SPIDR: variants seen among roughly 807,000 people sequenced by gnomAD.
The protein encoded by SPIDR is scaffold protein involved in DNA repair, also known as DNA repair-scaffolding protein.
A neutral mutation model predicts 104.6 loss-of-function variants in SPIDR; 93 were observed. The observed-to-expected ratio is 0.89, with a 90% CI of 0.75 to 1.06. The LOEUF (loss-of-function observed/expected upper bound fraction) is 1.06, where lower values mean the gene tolerates loss of function less well. Ranked by LOEUF, SPIDR falls within the 50% of genes least tolerant of loss-of-function variation. The probability of loss-of-function intolerance (pLI) is 0.00; values close to 1 mark genes in which losing one functional copy is unlikely to be tolerated. For missense variants in SPIDR, 1,154 were observed against 1,111.2 expected (o/e 1.04, Z -0.55); for synonymous variants, 431 against 416.9 (o/e 1.03, Z -0.41).
At chr8:47,415,748 GT>G (rs1362277708) in intron 7 of SPIDR, among the ~76,000 whole-genome samples, 1 of 152,138 alleles carries the variant, frequency 6.6e-6, no homozygotes, top group Non-Finnish European at 1.5e-5. Flanking sequence ...ACAAATTTCT[GT>G]TGCTTCGAAG....
chr8:47,461,073 G>A (rs2073853773), intron 8 of SPIDR, among the ~76,000 whole-genome samples: 1 of 152,112 alleles, frequency 6.6e-6, no homozygotes, highest in South Asian at 2.1e-4. Flanking sequence ...TGGTGCTTTT[G>A]CCTCACAGCT....
chr8:47,619,938 G>A (rs2064893389), intron 10 of SPIDR, among the ~76,000 whole-genome samples: 1 of 152,184 alleles, frequency 6.6e-6, no homozygotes, highest in African/African-American at 2.4e-5. Context: ...AAGGAGGAAA[G>A]GAAGGAAGAG....
intron 7 of SPIDR, among the ~76,000 whole-genome samples, chr8:47,422,507 C>CA (rs2065698243): frequency 6.6e-6 from 1 of 152,254 alleles, no homozygotes; most frequent in Admixed American, 6.5e-5. Context: ...TGCCATCTGT[C>CA]ACCCCTTTCC....
chr8:47,674,181 A>G (rs2076139571), intron 11 of SPIDR, among the ~76,000 whole-genome samples: 1 of 152,228 alleles, frequency 6.6e-6, no homozygotes, highest in Admixed American at 6.5e-5. Context: ...AAAGAAGATT[A>G]AAATGTTATG....
intron 5 of SPIDR, among the ~76,000 whole-genome samples, chr8:47,333,867 T>G (rs1460567796): frequency 6.6e-6 from 1 of 152,222 alleles, no homozygotes; most frequent in Non-Finnish European, 1.5e-5. Context: ...ATATGAGGTG[T>G]GTTCATTGAC....
At chr8:47,496,340 G>T (rs2079434437) in intron 8 of SPIDR, among the ~76,000 whole-genome samples, 1 of 152,118 alleles carries the variant, frequency 6.6e-6, no homozygotes, top group African/African-American at 2.4e-5. Flanking sequence ...GGCTTTTGTG[G>T]ATGCTGTTTG....
intron 5 of SPIDR, among the ~76,000 whole-genome samples, chr8:47,308,848 G>C (rs1431104979): frequency 6.6e-6 from 1 of 152,250 alleles, no homozygotes; most frequent in Non-Finnish European, 1.5e-5. Flanking sequence ...ATGCACAACT[G>C]CCTGCCTTGG....
chr8:47,358,125 GCAGTGGCTGTTCA>G (rs1451246389), intron 5 of SPIDR, among the ~76,000 whole-genome samples: 2 of 152,222 alleles, frequency 1.3e-5, no homozygotes, highest in African/African-American at 4.8e-5. Flanking sequence ...ACAGTGGAGT[GCAGTGGCTGTTCA>G]CAGGTGTGAT....
At chr8:47,271,980 T>C (rs1312146136) in intron 1 of SPIDR, among the ~76,000 whole-genome samples, 10 of 151,974 alleles carry the variant, frequency 6.6e-5, no homozygotes, top group Admixed American at 2.0e-4. Context: ...TTTGTATTTT[T>C]TTTTCTTTTT....
At chr8:47,426,700 G>A (rs1301783039) in intron 7 of SPIDR, among the ~76,000 whole-genome samples, 4 of 152,218 alleles carry the variant, frequency 2.6e-5, no homozygotes, top group Non-Finnish European at 4.4e-5. Context: ...AGGCTGGGAA[G>A]CCTAATATCC....
Position 47,471,516 on chromosome 8 carries a change from G to C in SPIDR, c.1097+30974G>C, listed in dbSNP as rs566995265. 3.9e-5 allele frequency among the ~76,000 whole-genome samples: 6 copies of C among 152,228 alleles called. No individual in the cohort carries two copies. In the South Asian group the frequency reaches 8.3e-4, roughly 21 times the overall value. Reference sequence around the variant, plus strand: ...TCAAAGACCACTGAGAATAACAATTGTTGGCAAAGATGCAAAGAAATTGGA... The same window carrying C: ...TCAAAGACCACTGAGAATAACAATTCTTGGCAAAGATGCAAAGAAATTGGA... On this transcript the variant is annotated intron_variant, in intron 8 of 19. Transcript: ENST00000297423.
At chr8:47,262,546 C>T (rs943993962) in intron 1 of SPIDR, among the ~76,000 whole-genome samples, 1 of 152,194 alleles carries the variant, frequency 6.6e-6, no homozygotes, top group African/African-American at 2.4e-5. Flanking sequence ...AGCTCACTCA[C>T]GTGGTTGTTT....
In SPIDR at chr8:47,694,251, A is replaced by G. The variant is rs78083247; in HGVS notation, c.1686-6152A>G. Among the ~76,000 whole-genome samples the G allele has an allele frequency of 1.3e-3, 195 of 152,370 alleles. 1 individual carries two copies. In the East Asian group the frequency reaches 0.029, roughly 22 times the overall value. ...AATAATGATTCAGCAACAAATAGGA[A>G]ATTGTTTCTTAGACTGCACTGAAAT... On this transcript the variant is annotated intron_variant, in intron 11 of 19. Transcript: ENST00000297423.
At chr8:47,280,144 C>T (rs2037426349) in intron 2 of SPIDR, 127 bp downstream of exon 2, 1 of 783,512 alleles carries the variant, frequency 1.3e-6, no homozygotes, top group Non-Finnish European at 1.9e-6. Context: ...CTGGTACACT[C>T]CTTTTCTTGC....
intron 10 of SPIDR, among the ~76,000 whole-genome samples, chr8:47,629,063 G>A (rs2066648818): frequency 6.6e-6 from 1 of 152,212 alleles, no homozygotes; most frequent in African/African-American, 2.4e-5. Context: ...GCAGCTGTTT[G>A]AAGAGATGCA....
rs537001422 is a variant in SPIDR at position 47,399,435 on chromosome 8, C to T, written c.776+2809C>T. Among the ~76,000 whole-genome samples the T allele has an allele frequency of 9.2e-5, 14 of 152,282 alleles. No homozygotes were observed. The South Asian group carries it at 1.2e-3, about 14-fold the overall frequency. On this transcript the variant is annotated intron_variant, in intron 6 of 19. Coordinates refer to ENST00000297423, the MANE Select transcript of SPIDR (RefSeq NM_001080394.4). The stretch of plus-strand genomic sequence containing the variant: ...ATCTGGCTTGGGAACTAGTTCTTTC[C>T]GATCAATTCTATTCCAGTAAATAGG...
intron 19 of SPIDR, among the ~76,000 whole-genome samples, chr8:47,730,024 C>T (rs192043939): frequency 2.3e-4 from 35 of 152,282 alleles, no homozygotes; most frequent in Admixed American, 2.3e-3. Context: ...CAGCCTGCCC[C>T]CTGGCTTTGA....
chr8:47,423,485 C>G (rs1479326988), intron 7 of SPIDR, among the ~76,000 whole-genome samples: 6 of 151,938 alleles, frequency 3.9e-5, no homozygotes, highest in African/African-American at 1.4e-4. Context: ...GCCTACAATC[C>G]CAGCTATTCT....
At chr8:47,336,773 G>A (rs556791817) in intron 5 of SPIDR, among the ~76,000 whole-genome samples, 33 of 152,308 alleles carry the variant, frequency 2.2e-4, no homozygotes, top group African/African-American at 7.0e-4. Flanking sequence ...TATGTGTGCA[G>A]TTCTCTTGTA....
Sources: gnomAD v4.1 joint callset for allele counts (sites outside exome capture counted in the v4.1 genomes callset) on GRCh38, gnomAD v4.1.1 for gene constraint, MANE v1.5 for transcripts, NCBI Gene and HGNC (gene_info 2026-07-23, HGNC 2026-07-21) for gene names.